Variants in KIF6 observed in about 807,000 individuals in gnomAD.
KIF6 encodes kinesin-like protein KIF6.
Under a neutral mutation model 112.7 loss-of-function variants are expected in KIF6, and 106 were observed. The ratio of observed to expected loss-of-function variants is 0.94; its 90% confidence interval spans 0.80 to 1.11. The LOEUF is 1.11. Ranked by LOEUF, KIF6 falls within the 50% of genes least tolerant of loss-of-function variation. KIF6 has a pLI of 0.00. For synonymous variants in KIF6, 339 were observed against 339.9 expected (o/e 1.00, Z 0.03); for missense variants, 929 against 964.0 (o/e 0.96, Z 0.48).
chr6:39,494,413 C>G (rs944748187), intron 13 of KIF6, among the ~76,000 whole-genome samples: 1 of 151,972 alleles, frequency 6.6e-6, no homozygotes, highest in Non-Finnish European at 1.5e-5. Context: ...ACACTCAATG[C>G]CAAGAAGGAA....
chr6:39,529,723 C>T (rs1481643166), intron 13 of KIF6, among the ~76,000 whole-genome samples: 2 of 152,014 alleles, frequency 1.3e-5, no homozygotes, highest in Non-Finnish European at 2.9e-5. Flanking sequence ...GGAGGCGGAG[C>T]TTGCAGTGAG....
chr6:39,449,008 T>A (rs891221856), intron 13 of KIF6, among the ~76,000 whole-genome samples: 2 of 152,314 alleles, frequency 1.3e-5, no homozygotes, highest in East Asian at 3.9e-4. Context: ...AACCCCCACA[T>A]GCCATCAGCT....
intron 3 of KIF6, among the ~76,000 whole-genome samples, chr6:39,699,957 G>T (rs1002090693): frequency 3.9e-5 from 6 of 151,932 alleles, no homozygotes; most frequent in African/African-American, 1.5e-4. Context: ...AATTATTTTT[G>T]ATACATTCCA....
rs898663934 is a variant in KIF6, at chr6:39,488,064, C to T, written c.1645+51939G>A. ...TAAAATCTCATGAAATAATACTTGC[C>T]CTTATTATACATAATGTCCTCTAAT... On this transcript the variant is annotated intron_variant, in intron 13 of 22. Transcript: ENST00000287152. Among the ~76,000 whole-genome samples, 4 of 149,910 alleles carry T rather than the reference C, an allele frequency of 2.7e-5. No homozygotes were observed. The Admixed American group carries it at 2.7e-4, about 10-fold the overall frequency.
chr6:39,682,682 C>T (rs1384619468), intron 3 of KIF6, among the ~76,000 whole-genome samples: 2 of 152,098 alleles, frequency 1.3e-5, no homozygotes, highest in South Asian at 2.1e-4. Context: ...TGGGTTCAAG[C>T]GATTCTCCTG....
intron 3 of KIF6, among the ~76,000 whole-genome samples, chr6:39,669,610 G>T (rs191832480): frequency 1.3e-5 from 2 of 152,342 alleles, no homozygotes; most frequent in East Asian, 1.9e-4. Context: ...AAACTCTCAG[G>T]TTTTTTCTGT....
chr6:39,558,019 C>T (rs897044457), intron 10 of KIF6, among the ~76,000 whole-genome samples: 5 of 151,382 alleles, frequency 3.3e-5, no homozygotes, highest in Admixed American at 6.6e-5. Flanking sequence ...AAAACTCTTA[C>T]AACTCTCACA....
At chr6:39,638,064 C>A (rs1784719157) in intron 4 of KIF6, among the ~76,000 whole-genome samples, 1 of 152,004 alleles carries the variant, frequency 6.6e-6, no homozygotes, top group Admixed American at 6.6e-5. Flanking sequence ...TTCTATTTAA[C>A]TTAATCATGG....
At chr6:39,416,565 C>A (rs139181397) in intron 15 of KIF6, among the ~76,000 whole-genome samples, 1 of 152,118 alleles carries the variant, frequency 6.6e-6, no homozygotes, top group Non-Finnish European at 1.5e-5. Context: ...ATGTAAATGG[C>A]GTCTAGAGAA....
At chr6:39,457,185 G>A (rs1402402587) in intron 13 of KIF6, among the ~76,000 whole-genome samples, 1 of 152,036 alleles carries the variant, frequency 6.6e-6, no homozygotes, top group African/African-American at 2.4e-5. Flanking sequence ...AGACCACAGT[G>A]CAATCAAACT....
At chr6:39,493,997 A>G (rs1775629886) in intron 13 of KIF6, among the ~76,000 whole-genome samples, 1 of 152,188 alleles carries the variant, frequency 6.6e-6, no homozygotes, top group Non-Finnish European at 1.5e-5. Flanking sequence ...AATATTCTCC[A>G]TTTCCAAGAA....
intron 5 of KIF6, among the ~76,000 whole-genome samples, chr6:39,615,586 T>G (rs1314336154): frequency 6.6e-6 from 1 of 151,482 alleles, no homozygotes; most frequent in African/African-American, 2.4e-5. Context: ...GGTCTGGGTA[T>G]TAGAATTTGT....
At chr6:39,679,274 C>A (rs1477454713) in intron 3 of KIF6, among the ~76,000 whole-genome samples, 1 of 152,180 alleles carries the variant, frequency 6.6e-6, no homozygotes, top group Non-Finnish European at 1.5e-5. Context: ...ATATCTCAGT[C>A]TCTTTTTAAA....
intron 10 of KIF6, among the ~76,000 whole-genome samples, chr6:39,571,249 T>C (rs115373930): frequency 5.6e-4 from 86 of 152,296 alleles, no homozygotes; most frequent in African/African-American, 2.0e-3. Context: ...CTCTCAGACT[T>C]TTCTCTTCTC....
chr6:39,639,596 G>A lies in KIF6; in HGVS notation c.399+14C>T, dbSNP rs1186522307. The stretch of plus-strand genomic sequence containing the variant: ...ATATCAAATACAAAATGATATGAAC[G>A]AAAAGTTTCATACCTTTTGTAACTG... On this transcript the variant is annotated intron_variant, in intron 4 of 22. Coordinates refer to ENST00000287152, the MANE Select transcript of KIF6 (RefSeq NM_145027.6). The A allele has an allele frequency of 4.6e-6, 7 of 1,525,020 alleles. No homozygotes were observed. Among genetic ancestry groups the A allele is most frequent in the Admixed American group, 4.5e-5 (2 of 44,362 alleles). The allele number at this position is 1,525,020 out of a possible 1,614,324, so 94.5% of individuals were successfully genotyped here. A position where few individuals can be genotyped will look rare whatever the true frequency, so the allele number is the denominator to read the frequency against.
rs147211733 is a variant in KIF6 at position 39,512,370 on chromosome 6, C to T, written c.1645+27633G>A. ...GGCCCCTAAAGAAGGGAGGTATTTC[C>T]GGGTTTTCTGAAAGTTGTCAGTTAA... On this transcript the variant is annotated intron_variant, in intron 13 of 22. Coordinates refer to ENST00000287152, the MANE Select transcript of KIF6 (RefSeq NM_145027.6). Among the ~76,000 whole-genome samples, 488 of 152,228 alleles carry T rather than the reference C, an allele frequency of 3.2e-3. 1 individual carries two copies. Among genetic ancestry groups the T allele is most frequent in the Middle Eastern group, 6.8e-3 (2 of 294 alleles).
At chr6:39,576,504 A>T (rs1261421014) in intron 10 of KIF6, among the ~76,000 whole-genome samples, 2 of 152,144 alleles carry the variant, frequency 1.3e-5, no homozygotes, top group African/African-American at 4.8e-5. Flanking sequence ...AGACTTTTTT[A>T]GCAACTGGCT....
chr6:39,714,483 C>A (rs1239362006), intron 3 of KIF6, among the ~76,000 whole-genome samples: 1 of 152,010 alleles, frequency 6.6e-6, no homozygotes, highest in Non-Finnish European at 1.5e-5. Context: ...TATTTTGCTG[C>A]GTTATTTTGT....
chr6:39,420,070 G>C (rs1054885681), intron 14 of KIF6, 67 bp from the exon 15 acceptor site: 11 of 1,141,134 alleles, frequency 9.6e-6, no homozygotes, highest in Middle Eastern at 2.0e-4. Context: ...AAAAATAATA[G>C]ATTTCTTAGA....
Sources: gnomAD v4.1 joint callset for allele counts (sites outside exome capture counted in the v4.1 genomes callset) on GRCh38, gnomAD v4.1.1 for gene constraint, MANE v1.5 for transcripts, NCBI Gene and HGNC (gene_info 2026-07-23, HGNC 2026-07-21) for gene names.